The following MAP4 variants were observed in gnomAD, a reference collection of about 807,000 sequenced individuals.
MAP4 encodes the protein microtubule associated protein 4.
Under a neutral mutation model 170.2 loss-of-function variants are expected in MAP4, and 76 were observed. The observed-to-expected ratio is 0.45, with a 90% CI of 0.37 to 0.54. The LOEUF (loss-of-function observed/expected upper bound fraction) is 0.54, where lower values mean the gene tolerates loss of function less well. Ranked by LOEUF, MAP4 falls within the 20% of genes least tolerant of loss-of-function variation. MAP4 has a pLI of 0.00. For synonymous variants in MAP4, 909 were observed against 994.5 expected, an observed-to-expected ratio of 0.91 and a Z score of 1.62; for missense variants, 2,506 against 2,748.0, an observed-to-expected ratio of 0.91 and a Z score of 1.97.
intron 1 of MAP4, among the ~76,000 whole-genome samples, chr3:48,066,158 GA>G (rs1257676181): frequency 1.3e-5 from 2 of 152,074 alleles, no homozygotes; most frequent in African/African-American, 4.8e-5. Flanking sequence ...TTCTCAAGGG[GA>G]TATATACTCA....
At chr3:48,059,754 G>A (rs577282674) in intron 1 of MAP4, among the ~76,000 whole-genome samples, 30 of 151,758 alleles carry the variant, frequency 2.0e-4, no homozygotes, top group African/African-American at 7.0e-4. Context: ...TGAGGCAGGC[G>A]GATTGCCTGA....
In MAP4 at chr3:47,867,350, G is replaced by A; in HGVS notation, c.6409-12C>T. ...GAGACTATCTGGACCTGGAGTGTTAGAAAATAGAAAAAACAACACAAAGGG... is the reference window on the plus strand; with the variant it reads ...GAGACTATCTGGACCTGGAGTGTTAAAAAATAGAAAAAACAACACAAAGGG... On this transcript the variant is annotated splice_polypyrimidine_tract_variant and intron_variant, in intron 16 of 20. Transcript: ENST00000683076. 6.3e-7 allele frequency: 1 copy of A among 1,578,850 alleles called. No individual in the cohort carries two copies. The highest frequency in any genetic ancestry group is 8.7e-7 in the Non-Finnish European group (1 of 1,148,924).
chr3:47,892,887 C>T (rs187626421), intron 10 of MAP4: 31 of 996,106 alleles, frequency 3.1e-5, no homozygotes, highest in Non-Finnish European at 3.6e-5. Flanking sequence ...TACCCACACA[C>T]TCATTTATCT....
rs1438365287 is a variant in MAP4 at position 48,057,719 on chromosome 3, A to AT, written c.-20+31053dup. Among the ~76,000 whole-genome samples, 3 of 151,256 alleles carry AT rather than the reference A, an allele frequency of 2.0e-5. No individual in the cohort carries two copies. In the East Asian group the frequency reaches 5.8e-4, roughly 29 times the overall value. ...GTACTCCTAGGCAAACTGCCGAACT[A>AT]TTTTTCAGAGTGGCTGTACCACTTT... is the stretch of plus-strand genomic sequence containing the variant. On this transcript the variant is annotated intron_variant, in intron 1 of 18. Coordinates refer to the MAP4 transcript ENST00000360240.
intron 3 of MAP4, among the ~76,000 whole-genome samples, chr3:47,944,948 C>T (rs1034527896): frequency 6.8e-6 from 1 of 146,550 alleles, no homozygotes; most frequent in African/African-American, 2.5e-5. Flanking sequence ...TAAAAAGGAA[C>T]CTTTTTTTTT....
At chr3:47,992,561 C>T (rs116068666) in intron 2 of MAP4, among the ~76,000 whole-genome samples, 2,977 of 152,014 alleles carry the variant, frequency 0.02, 40 homozygotes, top group Non-Finnish European at 0.029. Flanking sequence ...CTGTGTAGCT[C>T]GGACTACAGG....
At position 47,918,797 on chromosome 3, in the gene MAP4, C is replaced by A; in HGVS notation, c.574G>T (p.Val192Leu). The A allele has an allele frequency of 1.2e-6, 2 of 1,613,096 alleles. No individual in the cohort carries two copies. Among genetic ancestry groups the A allele is most frequent in the Non-Finnish European group, 1.7e-6 (2 of 1,179,112 alleles). The change falls in exon 6 of 21, where the codon GTG (valine) becomes TTG (leucine). Residue 192 changes from valine to leucine, a missense_variant. Val to Leu is a conservative substitution (Grantham distance 32). This residue lies in a region of MAP4 where 2,008 missense variants were observed against 2,206.0 expected (regional missense o/e 0.91). Transcript: ENST00000683076. Reference protein sequence around the residue: ...NTAVVPQGWSVEALNSPHSES... With the variant: ...NTAVVPQGWSLEALNSPHSES... ...GAGTGTGGAGAGTTTAAGGCTTCCA[C>A]AGACCACCCCTGAGGTACAACAGCT...
chr3:48,047,166 T>C (rs1041190650), intron 1 of MAP4, among the ~76,000 whole-genome samples: 1 of 152,094 alleles, frequency 6.6e-6, no homozygotes, highest in African/African-American at 2.4e-5. Flanking sequence ...GAAGTTGTTA[T>C]GAGGGATGGC....
chr3:48,050,230 A>G (rs1189636287), intron 1 of MAP4, among the ~76,000 whole-genome samples: 1 of 150,512 alleles, frequency 6.6e-6, no homozygotes, highest in Non-Finnish European at 1.5e-5. Flanking sequence ...ACTGCACTCC[A>G]GCCTGGCAAA....
rs2100112781 is a variant in MAP4 at position 48,025,843 on chromosome 3, T to C, written c.-19-26964A>G. The stretch of plus-strand genomic sequence containing the variant: ...TGAACCTGGAAGGCGGAGGTTGCAG[T>C]GAGCCGAGATCGTACCACTGCACTC... On this transcript the variant is annotated intron_variant, in intron 1 of 18. Transcript: ENST00000360240. 2.0e-5 allele frequency among the ~76,000 whole-genome samples: 3 copies of C among 151,088 alleles called. No individual in the cohort carries two copies. The South Asian group carries it at 6.3e-4, about 32-fold the overall frequency.
chr3:48,055,218 G>A (rs1339276867), intron 1 of MAP4, among the ~76,000 whole-genome samples: 9 of 148,690 alleles, frequency 6.1e-5, no homozygotes, highest in South Asian at 2.2e-4. Flanking sequence ...CTCCGTCTCC[G>A]TCTCCGTCTC....
chr3:47,892,235 T>C, intron 10 of MAP4: 2 of 1,536,398 alleles, frequency 1.3e-6, no homozygotes, highest in Non-Finnish European at 1.7e-6. Flanking sequence ...GCTCAGCTCT[T>C]TGTCTAGCTT....
At chr3:48,055,683 A>C (rs2154552819) in intron 1 of MAP4, among the ~76,000 whole-genome samples, 1 of 68,556 alleles carries the variant, frequency 1.5e-5, no homozygotes, top group South Asian at 6.3e-4. Context: ...GGATGTGAGG[A>C]GCCCCTCTGC....
At chr3:48,081,521 T>A (rs1012364947) in intron 1 of MAP4, among the ~76,000 whole-genome samples, 3 of 152,048 alleles carry the variant, frequency 2.0e-5, no homozygotes, top group African/African-American at 7.2e-5. Flanking sequence ...ATTTTTTACT[T>A]CATATATATA....
chr3:48,044,908 T>C (rs6442096), intron 1 of MAP4, among the ~76,000 whole-genome samples: 112,254 of 151,108 alleles, frequency 0.74, 42,076 homozygotes, highest in African/African-American at 0.87. Context: ...GAGATCACAC[T>C]ACTGCACTCC....
chr3:48,050,661 CACTTTGGG>C (rs1182345325), intron 1 of MAP4, among the ~76,000 whole-genome samples: 1 of 150,122 alleles, frequency 6.7e-6, no homozygotes, highest in Non-Finnish European at 1.5e-5. Flanking sequence ...GTAATCCCAA[CACTTTGGG>C]AGGCTGAGGC....
intron 3 of MAP4, chr3:47,974,094 A>C: frequency 1.0e-6 from 1 of 985,324 alleles, no homozygotes; most frequent in South Asian, 4.7e-5. Context: ...TTCTAATCTT[A>C]CCATCTCAAA....
intron 1 of MAP4, among the ~76,000 whole-genome samples, chr3:48,014,102 A>G (rs1370966688): frequency 2.0e-5 from 3 of 152,356 alleles, no homozygotes; most frequent in Non-Finnish European, 2.9e-5. Flanking sequence ...ATAAGGATAT[A>G]TGATGAGGCC....
At chr3:47,902,458 G>A (rs946786855) in intron 10 of MAP4, among the ~76,000 whole-genome samples, 6 of 151,886 alleles carry the variant, frequency 4.0e-5, no homozygotes, top group Non-Finnish European at 8.8e-5. Context: ...GGTGGATCAC[G>A]AGGTCAGGAG....
Sources: gnomAD v4.1 joint callset for allele counts (sites outside exome capture counted in the v4.1 genomes callset) on GRCh38, gnomAD v4.1.1 for gene constraint, gnomAD v4.1.1 regional missense constraint, MANE v1.5 for transcripts, NCBI Gene and HGNC (gene_info 2026-07-23, HGNC 2026-07-21) for gene names.